The following RNF166 variants were observed in gnomAD, a reference collection of about 807,000 sequenced individuals.
RNF166 encodes the protein ring finger protein 166, also known as E3 ubiquitin-protein ligase RNF166.
A neutral mutation model predicts 29.4 loss-of-function variants in RNF166; 19 were observed. That is an observed-to-expected ratio of 0.65 (90% CI 0.45 to 0.95). RNF166 has a LOEUF of 0.95. Among genes scored for constraint, RNF166 ranks in the 40% least tolerant of loss-of-function variants. RNF166 has a pLI of 0.00. For missense variants in RNF166, 347 were observed against 322.1 expected, an observed-to-expected ratio of 1.08 and a Z score of -0.59; for synonymous variants, 171 against 134.5, an observed-to-expected ratio of 1.27 and a Z score of -1.88.
At chr16:88,704,172 G>A (rs1910539925) in intron 1 of RNF166, 8 of 985,470 alleles carry the variant, frequency 8.1e-6, no homozygotes, top group Non-Finnish European at 9.6e-6. Context: ...AACCAGACCA[G>A]CAACAAACTT....
At chr16:88,698,683 T>A (rs1200010463) in intron 4 of RNF166, 74 bp from the exon 5 acceptor site, 10 of 1,152,690 alleles carry the variant, frequency 8.7e-6, no homozygotes, top group Middle Eastern at 2.9e-4. Context: ...CTGGGGGCCC[T>A]CCACTGAGCC....
intron 5 of RNF166, chr16:88,698,052 AG>A: frequency 1.8e-6 from 1 of 541,490 alleles, no homozygotes. Context: ...CGGCGCAGGG[AG>A]GGGCCGCACC....
rs145516855 is a variant in RNF166, at chr16:88,699,060, C to T, written c.451G>A (p.Ala151Thr). The T allele has an allele frequency of 1.4e-5, 22 of 1,609,964 alleles. No homozygotes were observed. Among genetic ancestry groups the T allele is most frequent in the Admixed American group, 3.4e-5 (2 of 59,618 alleles). The change falls in exon 4 of 6, where the codon GCC becomes ACC. Residue 151 changes from alanine to threonine, a missense_variant. Ala to Thr is a moderately conservative substitution (Grantham distance 58, BLOSUM62 0). Transcript: ENST00000312838. Reference sequence around the variant, plus strand: ...TTGCGGGCACCACAGTACGGGCAGGCGAAGGTGGACCTGTTGGGGATGTTG... The same window carrying T: ...TTGCGGGCACCACAGTACGGGCAGGTGAAGGTGGACCTGTTGGGGATGTTG... ...PSNIPNRSTF[A>T]CPYCGARNLD...
At chr16:88,704,115 C>G (rs139441899) in intron 1 of RNF166, 3 of 983,752 alleles carry the variant, frequency 3.0e-6, no homozygotes, top group African/African-American at 1.8e-5. Context: ...AGAGATCTAC[C>G]CTGGAGGAGG....
rs764385570 is a variant in RNF166 at position 88,698,963 on chromosome 16, C to G, written c.540+8G>C. The G allele has an allele frequency of 6.4e-7, 1 of 1,573,978 alleles. No homozygotes were observed. Among genetic ancestry groups the G allele is most frequent in the South Asian group, 1.2e-5 (1 of 86,804 alleles). On this transcript the variant is annotated splice_region_variant and intron_variant, in intron 4 of 5. Transcript: ENST00000312838. ...GCGCAGGCGTCGCTTGGGGCAGGCA[C>G]TGCTCACCACGCGGTTGGGGTCGCT...
At position 88,699,572 on chromosome 16, in the gene RNF166, G is replaced by A. The variant is rs184368083; in HGVS notation, c.425+48C>T. 5.2e-3 allele frequency: 7,724 copies of A among 1,476,052 alleles called. 44 individuals carry two copies. The highest frequency in any genetic ancestry group is 0.026 in the Middle Eastern group (151 of 5,748). The allele number at this position is 1,476,052 out of a possible 1,614,324, so 91.4% of individuals were successfully genotyped here. ...GGCACTGCGCTTGCTCCCAGAACGA[G>A]GAAACCGCCGAGGACAGTTCCTCTC... is the stretch of plus-strand genomic sequence containing the variant. On this transcript the variant is annotated intron_variant, in intron 3 of 5. Transcript: ENST00000312838.
At chr16:88,697,707 C>T (rs1909770014) in intron 5 of RNF166, 74 bp from the exon 6 acceptor site, 1 of 1,117,752 alleles carries the variant, frequency 8.9e-7, no homozygotes, top group Non-Finnish European at 1.3e-6. Flanking sequence ...CCATCACCCA[C>T]ACAGGCGTGT....
intron 2 of RNF166, 172 bp downstream of exon 2, chr16:88,701,090 G>A: frequency 7.8e-7 from 1 of 1,283,292 alleles, no homozygotes; most frequent in Non-Finnish European, 1.1e-6. Flanking sequence ...AGTGAGAGAT[G>A]AAGACGGGAG....
At chr16:88,703,543 C>T (rs1045211175) in intron 1 of RNF166, 17 of 985,236 alleles carry the variant, frequency 1.7e-5, no homozygotes, top group Admixed American at 6.1e-5. Context: ...ACGAGGCACC[C>T]ACAGGGTGGG....
In RNF166 at chr16:88,700,008, C is replaced by T. The variant is rs1191565314; in HGVS notation, c.313-276G>A. The T allele has an allele frequency of 1.9e-5, 5 of 266,196 alleles. No homozygotes were observed. The South Asian group carries it at 2.3e-4, about 12-fold the overall frequency. 16.5% of individuals were successfully genotyped at this position (266,196 alleles called of 1,614,324 possible). ...GGGAAACAGGTAAGGAGATCTCTGG[C>T]GCCTGCAGGAGTTCAAATACTTGCT... On this transcript the variant is annotated intron_variant, in intron 2 of 5. Coordinates refer to ENST00000312838, the MANE Select transcript of RNF166 (RefSeq NM_178841.4).
intron 1 of RNF166, among the ~76,000 whole-genome samples, chr16:88,702,451 C>T (rs1427185041): frequency 1.3e-5 from 2 of 152,200 alleles, no homozygotes; most frequent in African/African-American, 4.8e-5. Context: ...GTGGGCAGGC[C>T]CTGGGTTCAC....
Position 88,701,296 on chromosome 16 carries a change from G to C in RNF166, c.278C>G (p.Ser93Cys), listed in dbSNP as rs1481513726. 1.2e-6 allele frequency: 2 copies of C among 1,613,684 alleles called. No individual in the cohort carries two copies. Among genetic ancestry groups the C allele is most frequent in the Non-Finnish European group, 1.7e-6 (2 of 1,179,966 alleles). Residue 93 changes from serine (S) to cysteine (C), a missense_variant, in exon 2 of 6, where the codon TCC (serine) becomes TGC (cysteine). Coordinates refer to ENST00000312838, the MANE Select transcript of RNF166 (RefSeq NM_178841.4). ...KATHVEKQLS[S>C]YKAPCRGCNK... ...GCAGCCTCGACAGGGCGCTTTGTAGGATGAGAGCTGCTTCTCCACGTGGGT... is the reference window on the plus strand; with the variant it reads ...GCAGCCTCGACAGGGCGCTTTGTAGCATGAGAGCTGCTTCTCCACGTGGGT...
At position 88,698,623 on chromosome 16, in the gene RNF166, T is replaced by C. The variant is rs773957072; in HGVS notation, c.541-14A>G. On this transcript the variant is annotated splice_polypyrimidine_tract_variant and intron_variant, in intron 4 of 5. Coordinates refer to ENST00000312838, the MANE Select transcript of RNF166 (RefSeq NM_178841.4). ...GATGGGGCACACCTGGAACAGGCAC[T>C]GGGGTCAAGCCGAGCCGGACCGCGG... The C allele has an allele frequency of 1.3e-6, 2 of 1,500,330 alleles. No homozygotes were observed. The highest frequency in any genetic ancestry group is 8.9e-7 in the Non-Finnish European group (1 of 1,117,326). The allele number at this position is 1,500,330 out of a possible 1,614,324, so 92.9% of individuals were successfully genotyped here.
At chr16:88,704,291 CAA>C (rs1286964090) in intron 1 of RNF166, 72 of 985,322 alleles carry the variant, frequency 7.3e-5, no homozygotes, top group Non-Finnish European at 8.6e-5. Context: ...AGCCAGAAAA[CAA>C]AAGCCAGCAG....
intron 1 of RNF166, chr16:88,702,746 A>T: frequency 1.0e-6 from 1 of 985,428 alleles, no homozygotes; most frequent in Non-Finnish European, 1.2e-6. Flanking sequence ...TTTTCTGCAG[A>T]GTAAAGAGGT....
At chr16:88,704,505 AAAG>A (rs1910569550) in intron 1 of RNF166, 1 of 985,284 alleles carries the variant, frequency 1.0e-6, no homozygotes, top group Non-Finnish European at 1.2e-6. Flanking sequence ...CATATTTGAA[AAAG>A]AAGGGCAAAG....
At position 88,701,466 on chromosome 16, in the gene RNF166, G is replaced by A. The variant is rs534981376; in HGVS notation, c.156-48C>T. ...TGCCAGCCCGCCCCTCGGGTCTCCC[G>A]AACCGCAGGCCTTGCTCGGGGCCCT... On this transcript the variant is annotated intron_variant, in intron 1 of 5. Transcript: ENST00000312838. The A allele has an allele frequency of 1.1e-5, 17 of 1,499,038 alleles. 1 individual carries two copies. The highest frequency in any genetic ancestry group is 4.2e-5 in the African/African-American group (3 of 72,116). The allele number at this position is 1,499,038 out of a possible 1,614,324, so 92.9% of individuals were successfully genotyped here.
chr16:88,706,036 CGCGCCCCGAGGCCCCG>C lies in RNF166; in HGVS notation c.155+119_155+134del, dbSNP rs1451071451. The C allele has an allele frequency of 2.9e-5, 12 of 416,168 alleles. No individual in the cohort carries two copies. In the South Asian group the frequency reaches 5.1e-4, roughly 18 times the overall value. 25.8% of individuals were successfully genotyped at this position (416,168 alleles called of 1,614,324 possible). A position where few individuals can be genotyped will look rare whatever the true frequency, so the allele number is the denominator to read the frequency against. Reference sequence around the variant, plus strand: ...GCGGCACAGGGAAACCCGGACCCCACGCGCCCCGAGGCCCCGGCGCCCCGAGTCCCCGCGCGCCCAG... The same window carrying C: ...GCGGCACAGGGAAACCCGGACCCCACGCGCCCCGAGTCCCCGCGCGCCCAG... On this transcript the variant is annotated intron_variant, in intron 1 of 5. Coordinates refer to ENST00000312838, the MANE Select transcript of RNF166 (RefSeq NM_178841.4).
At chr16:88,701,117 G>A (rs1161341973) in intron 2 of RNF166, 145 bp downstream of exon 2, 2 of 1,267,024 alleles carry the variant, frequency 1.6e-6, no homozygotes, top group African/African-American at 1.5e-5. Context: ...GAGGCGCCGG[G>A]GCTGGCTTCC....
Sources: gnomAD v4.1 joint callset for allele counts (sites outside exome capture counted in the v4.1 genomes callset) on GRCh38, gnomAD v4.1.1 for gene constraint, MANE v1.5 for transcripts, NCBI Gene and HGNC (gene_info 2026-07-23, HGNC 2026-07-21) for gene names.